FUBP3: variants seen among roughly 807,000 people sequenced by gnomAD.
FUBP3 encodes the protein far upstream element binding protein 3.
A neutral mutation model predicts 85.6 loss-of-function variants in FUBP3; 28 were observed. That is an observed-to-expected ratio of 0.33 (90% confidence interval 0.24 to 0.45). The LOEUF (loss-of-function observed/expected upper bound fraction) is 0.45, where lower values mean the gene tolerates loss of function less well. FUBP3 is among the 20% of genes least tolerant of loss of function. The pLI, the probability that FUBP3 is intolerant of heterozygous loss-of-function variation, is 1.00. For synonymous variants in FUBP3, 271 were observed against 271.4 expected, an observed-to-expected ratio of 1.00 and a Z score of 0.01; for missense variants, 583 against 755.1, an observed-to-expected ratio of 0.77 and a Z score of 2.67.
At position 130,612,640 on chromosome 9, in the gene FUBP3, G is replaced by A; in HGVS notation, c.274+135G>A. On this transcript the variant is annotated intron_variant, in intron 4 of 18. Coordinates refer to ENST00000319725, the MANE Select transcript of FUBP3 (RefSeq NM_003934.2). The surrounding 1 kb of genome is among the most constrained non-coding windows in gnomAD (Gnocchi z 4.1). ...AGTATCACCTGTAGTAGAATGCTTT[G>A]CACATGCCATTCCCCACAGCTCTGA... The A allele has an allele frequency of 1.4e-6, 1 of 703,602 alleles. No homozygotes were observed. Among genetic ancestry groups the A allele is most frequent in the Admixed American group, 2.5e-5 (1 of 39,302 alleles). The allele number at this position is 703,602 out of a possible 1,614,324, so 43.6% of individuals were successfully genotyped here.
At chr9:130,613,048 G>A in intron 5 of FUBP3, 21 bp downstream of exon 5, 1 of 1,497,092 alleles carries the variant, frequency 6.7e-7, no homozygotes, top group Non-Finnish European at 9.3e-7. Context: ...TTTAAAAATA[G>A]ATATCAATTT....
At position 130,617,841 on chromosome 9, in the gene FUBP3, G is replaced by C. The variant is rs1283851337; in HGVS notation, c.612G>C (p.Leu204Phe). 1 of 1,610,290 alleles carries C rather than the reference G, an allele frequency of 6.2e-7. No individual in the cohort carries two copies. The highest frequency in any genetic ancestry group is 8.5e-7 in the Non-Finnish European group (1 of 1,176,678). ...TGGTCATGATCCAGGATGGCCCATT[G>C]CCCACGGGAGCAGACAAGCCTCTTC... The part of the protein sequence containing the change: ...VKMVMIQDGP[L>F]PTGADKPLRI... Residue 204 changes from leucine (L) to phenylalanine (F), a missense_variant, in exon 8 of 19, where the codon TTG becomes TTC. Leu to Phe is a conservative substitution (Grantham distance 22). Around this residue, in one of 3 missense-constraint regions of FUBP3, gnomAD observed 404 missense variants for 516.8 expected, o/e 0.78. Transcript: ENST00000319725.
At chr9:130,589,705 A>ATATATATTTT (rs1414691549) in intron 1 of FUBP3, among the ~76,000 whole-genome samples, 9 of 73,838 alleles carry the variant, frequency 1.2e-4, no homozygotes, top group Admixed American at 3.3e-4. Flanking sequence ...ATATATATAT[A>ATATATATTTT]TTTTTTTTTT....
chr9:130,614,291 G>A lies in FUBP3; in HGVS notation c.350G>A (p.Ser117Asn). 1 of 1,598,728 alleles carries A rather than the reference G, an allele frequency of 6.3e-7. No homozygotes were observed. The highest frequency in any genetic ancestry group is 8.6e-7 in the Non-Finnish European group (1 of 1,166,276). The change falls in exon 6 of 19, where the codon AGT becomes AAT. Residue 117 changes from serine (S) to asparagine (N), a missense_variant. By Grantham distance (46) the Ser-to-Asn change is conservative (BLOSUM62 1). Around this residue, in one of 3 missense-constraint regions of FUBP3, gnomAD observed 177 missense variants for 221.9 expected, o/e 0.80. Transcript: ENST00000319725. ...ATCTTCTTGATTCTTCTTATAGAGA[G>A]TTCTGGGATTCCAGAGAGGCCCTGT... ...SGCKIQIASE[S>N]SGIPERPCVL...
Position 130,620,391 on chromosome 9 carries a change from A to G in FUBP3, c.704A>G (p.Lys235Arg). 1 of 1,606,020 alleles carries G rather than the reference A, an allele frequency of 6.2e-7. No homozygotes were observed. The highest frequency in any genetic ancestry group is 8.5e-7 in the Non-Finnish European group (1 of 1,175,622). The change falls in exon 9 of 19, where the codon AAA becomes AGA. Residue 235 changes from lysine to arginine, a missense_variant. Physicochemically the swap from Lys to Arg is conservative, Grantham distance 26 (BLOSUM62 2). Coordinates refer to ENST00000319725, the MANE Select transcript of FUBP3 (RefSeq NM_003934.2). ...REMVLEIIRE[K>R]DQADFRGVRG... Reference sequence around the variant, plus strand: ...ATGGTACTAGAGATTATCCGAGAAAAAGACCAAGCTGACTTTCGGGGTGTA... The same window carrying G: ...ATGGTACTAGAGATTATCCGAGAAAGAGACCAAGCTGACTTTCGGGGTGTA...
In FUBP3 at chr9:130,630,635, G is replaced by C. The variant is rs1307902735; in HGVS notation, c.1125G>C (p.Glu375Asp). The change falls in exon 13 of 19, where the codon GAG (glutamate) becomes GAC (aspartate). Residue 375 changes from glutamate (E) to aspartate (D), a missense_variant. Glu to Asp is a conservative substitution (Grantham distance 45). Coordinates refer to ENST00000319725, the MANE Select transcript of FUBP3 (RefSeq NM_003934.2). ...KCGLVIGKGG[E>D]NIKSINQQSG... Reference sequence around the variant, plus strand: ...GTGTTGTGCTGTCCGCAGGGGGTGAGAACATCAAAAGCATCAACCAGCAGT... The same window carrying C: ...GTGTTGTGCTGTCCGCAGGGGGTGACAACATCAAAAGCATCAACCAGCAGT... 6.3e-7 allele frequency: 1 copy of C among 1,596,154 alleles called. No homozygotes were observed.
intron 13 of FUBP3, chr9:130,631,202 G>A: frequency 1.7e-6 from 2 of 1,191,976 alleles, no homozygotes; most frequent in Non-Finnish European, 2.1e-6. Context: ...GAGTGTTGAT[G>A]GAGGACAGAT....
chr9:130,586,035 G>A (rs184048337), intron 1 of FUBP3, among the ~76,000 whole-genome samples: 29 of 152,260 alleles, frequency 1.9e-4, no homozygotes, highest in Admixed American at 1.5e-3. Flanking sequence ...GTCTTGTTAC[G>A]TTGTCCAGGC....
At chr9:130,604,333 A>G (rs954554313) in intron 2 of FUBP3, among the ~76,000 whole-genome samples, 2 of 152,182 alleles carry the variant, frequency 1.3e-5, no homozygotes, top group Non-Finnish European at 2.9e-5. Context: ...TGGTTTGACC[A>G]AGGCCAGATA....
intron 8 of FUBP3, among the ~76,000 whole-genome samples, chr9:130,618,973 C>T (rs1832156912): frequency 6.6e-6 from 1 of 152,226 alleles, no homozygotes; most frequent in African/African-American, 2.4e-5. Context: ...GCGCTGCCTC[C>T]TCCAGAGCTC....
chr9:130,631,646 C>G lies in FUBP3; in HGVS notation c.1352+16C>G, dbSNP rs1175665349. On this transcript the variant is annotated intron_variant, in intron 14 of 18. Coordinates refer to ENST00000319725, the MANE Select transcript of FUBP3 (RefSeq NM_003934.2). ...CTCATCAAAAGTGAGTCTTTTGCAT[C>G]AGTCTTGCCTGGGAGAATTCACTCG... The G allele has an allele frequency of 1.9e-6, 3 of 1,592,086 alleles. No homozygotes were observed. The highest frequency in any genetic ancestry group is 2.6e-6 in the Non-Finnish European group (3 of 1,160,184).
intron 8 of FUBP3, among the ~76,000 whole-genome samples, chr9:130,618,605 GTCC>G (rs756243980): frequency 6.6e-5 from 10 of 152,202 alleles, no homozygotes; most frequent in Non-Finnish European, 1.2e-4. Context: ...GTTTTTGTCT[GTCC>G]TCAGTGAAAC....
chr9:130,585,934 T>C (rs1830319878), intron 1 of FUBP3, among the ~76,000 whole-genome samples: 1 of 152,246 alleles, frequency 6.6e-6, no homozygotes, highest in Non-Finnish European at 1.5e-5. Context: ...CTGATAACTT[T>C]ATCTTAGAAT....
intron 1 of FUBP3, among the ~76,000 whole-genome samples, chr9:130,594,736 A>T (rs1830782259): frequency 1.3e-5 from 2 of 151,764 alleles, no homozygotes; most frequent in South Asian, 2.1e-4. Flanking sequence ...TCCAGCCTGG[A>T]TGACAGAGTG....
chr9:130,636,259 G>A (rs1367319617), intron 18 of FUBP3, 133 bp downstream of exon 18: 13 of 918,744 alleles, frequency 1.4e-5, no homozygotes, highest in African/African-American at 3.3e-5. Context: ...GCTCCTCAGC[G>A]AGGCTGCTTC....
At position 130,604,887 on chromosome 9, in the gene FUBP3, ACT is replaced by A. The variant is rs1403444482; in HGVS notation, c.191-5064_191-5063del. Among the ~76,000 whole-genome samples the A allele has an allele frequency of 2.0e-5, 3 of 148,878 alleles. No homozygotes were observed. In the South Asian group the frequency reaches 6.4e-4, roughly 32 times the overall value. ...CACTCCAGCCTGGCGACAGAGCAAGACTCTGTCTCAAACAAAAAAAAAAAAAA... is the reference window on the plus strand; with the variant it reads ...CACTCCAGCCTGGCGACAGAGCAAGACTGTCTCAAACAAAAAAAAAAAAAA... On this transcript the variant is annotated intron_variant, in intron 2 of 18. Coordinates refer to ENST00000319725, the MANE Select transcript of FUBP3 (RefSeq NM_003934.2).
At chr9:130,620,866 C>T (rs894419816) in intron 9 of FUBP3, among the ~76,000 whole-genome samples, 2 of 152,190 alleles carry the variant, frequency 1.3e-5, no homozygotes, top group Admixed American at 6.5e-5. Context: ...ATGAACCTTA[C>T]AAACAGTATG....
chr9:130,602,052 G>C (rs535531939), intron 2 of FUBP3, among the ~76,000 whole-genome samples: 2 of 151,704 alleles, frequency 1.3e-5, no homozygotes, highest in African/African-American at 4.8e-5. Flanking sequence ...CACCTGCCTC[G>C]GCCTCCCAGA....
At chr9:130,611,667 A>G (rs1831751201) in intron 3 of FUBP3, among the ~76,000 whole-genome samples, 1 of 148,362 alleles carries the variant, frequency 6.7e-6, no homozygotes, top group Admixed American at 6.7e-5. Flanking sequence ...TTTTTAAACT[A>G]CTTGCATTTA....
Sources: allele counts gnomAD v4.1 joint callset (sites outside exome capture counted in the v4.1 genomes callset), GRCh38; gene constraint gnomAD v4.1.1; regional missense constraint gnomAD v4.1.1; non-coding constraint Gnocchi (gnomAD v3.1); transcripts MANE v1.5; gene names NCBI Gene and HGNC (gene_info 2026-07-23, HGNC 2026-07-21).